RIGI: variants seen among roughly 807,000 people sequenced by gnomAD.
The protein encoded by RIGI is antiviral innate immune response receptor RIG-I.
chr9:32,484,502 C>A, the RIGI span, among the ~76,000 whole-genome samples: 2 of 152,124 alleles, frequency 1.3e-5, no homozygotes, highest in Non-Finnish European at 2.9e-5. Flanking sequence ...CATAGAGGTG[C>A]CTAAGCCAGA....
At chr9:32,491,532 T>G in the RIGI span, 1 of 783,038 alleles carries the variant, frequency 1.3e-6, no homozygotes, top group East Asian at 2.8e-5. Context: ...CTATTAAAAT[T>G]TCTCACAACC....
At chr9:32,472,911 A>T in the RIGI span, 1 of 1,078,250 alleles carries the variant, frequency 9.3e-7, no homozygotes, top group Non-Finnish European at 1.3e-6. Flanking sequence ...ACACATATAC[A>T]TACACACACA....
the RIGI span, among the ~76,000 whole-genome samples, chr9:32,508,239 A>ATTTTTTTTTTTTTTTTTTTTTTTTTTTTT: frequency 3.1e-3 from 217 of 70,336 alleles, 56 homozygotes; most frequent in Non-Finnish European, 3.9e-3. Context: ...TATTTACTTA[A>ATTTTTTTTTTTTTTTTTTTTTTTTTTTTT]TTTTTTTTTT....
the RIGI span, among the ~76,000 whole-genome samples, chr9:32,473,286 CT>C: frequency 9.6e-4 from 118 of 122,526 alleles, no homozygotes; most frequent in Middle Eastern, 4.4e-3. Flanking sequence ...ATCTCTAAGA[CT>C]TTTTTTTTTT....
At chr9:32,476,983 G>C in the RIGI span, 2 of 1,612,194 alleles carry the variant, frequency 1.2e-6, no homozygotes, top group Non-Finnish European at 8.5e-7. Context: ...AAAAGCTTAC[G>C]TCCACAAGTG....
the RIGI span, among the ~76,000 whole-genome samples, chr9:32,469,652 C>G: frequency 2.6e-5 from 4 of 152,168 alleles, no homozygotes; most frequent in African/African-American, 7.2e-5. Context: ...AAGAAAGGAT[C>G]TTGACTAAGA....
At chr9:32,485,174 C>T in the RIGI span, 3 of 1,591,878 alleles carry the variant, frequency 1.9e-6, no homozygotes, top group Non-Finnish European at 2.6e-6. Context: ...ATTTATCTCA[C>T]CGAGGTCTTT....
the RIGI span, among the ~76,000 whole-genome samples, chr9:32,513,668 G>A: frequency 1.3e-5 from 2 of 152,130 alleles, no homozygotes; most frequent in African/African-American, 4.8e-5. Context: ...ATAGGCACGG[G>A]CAAAGACTTC....
the RIGI span, among the ~76,000 whole-genome samples, chr9:32,521,458 T>C: frequency 6.6e-6 from 1 of 152,148 alleles, no homozygotes; most frequent in Non-Finnish European, 1.5e-5. Flanking sequence ...TTTTATCTTT[T>C]TGGCTAAATG....
chr9:32,524,341 T>C, the RIGI span, among the ~76,000 whole-genome samples: 6 of 152,130 alleles, frequency 3.9e-5, no homozygotes, highest in Non-Finnish European at 5.9e-5. Flanking sequence ...CAAATCAATA[T>C]ATGAGTGCAT....
the RIGI span, among the ~76,000 whole-genome samples, chr9:32,511,707 C>A: frequency 6.6e-6 from 1 of 151,934 alleles, no homozygotes; most frequent in Admixed American, 6.6e-5. Flanking sequence ...CAAAAGCTAG[C>A]AAAAGACAAG....
chr9:32,485,118 G>T, the RIGI span: 2 of 1,274,578 alleles, frequency 1.6e-6, no homozygotes, highest in Non-Finnish European at 2.2e-6. Flanking sequence ...AGACGATAGT[G>T]AACAATAAAT....
chr9:32,502,537 TA>T, the RIGI span, among the ~76,000 whole-genome samples: 1 of 152,244 alleles, frequency 6.6e-6, no homozygotes, highest in Admixed American at 6.5e-5. Context: ...GTTTTCATTT[TA>T]GCCTTCTGTA....
At chr9:32,482,774 G>A in the RIGI span, among the ~76,000 whole-genome samples, 13 of 151,848 alleles carry the variant, frequency 8.6e-5, no homozygotes, top group African/African-American at 2.7e-4. Flanking sequence ...CAGGAGAATC[G>A]CTTGAACCCA....
chr9:32,515,102 C>T, the RIGI span, among the ~76,000 whole-genome samples: 1 of 152,006 alleles, frequency 6.6e-6, no homozygotes, highest in Non-Finnish European at 1.5e-5. Flanking sequence ...TAGAGGAAAC[C>T]TGAGTAATCT....
the RIGI span, chr9:32,472,892 TATACACACACACATATAC>T: frequency 1.2e-5 from 8 of 679,358 alleles, no homozygotes; most frequent in Middle Eastern, 8.9e-4. Flanking sequence ...ATATTATATA[TATACACACACACATATAC>T]ATACACACAC....
chr9:32,507,226 A>G, the RIGI span, among the ~76,000 whole-genome samples: 1 of 152,238 alleles, frequency 6.6e-6, no homozygotes, highest in Non-Finnish European at 1.5e-5. Context: ...GAGCCTACAA[A>G]TTTGAAAATA....
the RIGI span, among the ~76,000 whole-genome samples, chr9:32,495,198 T>TTTTTA: frequency 3.9e-5 from 6 of 152,014 alleles, no homozygotes; most frequent in Non-Finnish European, 4.4e-5. Flanking sequence ...TTATTTTCTG[T>TTTTTA]TTTTATTTTA....
At chr9:32,473,134 T>C in the RIGI span, 1 of 1,179,372 alleles carries the variant, frequency 8.5e-7, no homozygotes, top group Non-Finnish European at 1.2e-6. Flanking sequence ...AATATTGAAA[T>C]ACATGCAAAA....
Sources: gnomAD v4.1 joint callset for allele counts (sites outside exome capture counted in the v4.1 genomes callset) on GRCh38, gnomAD v4.1.1 for gene constraint, MANE v1.5 for transcripts, NCBI Gene and HGNC (gene_info 2026-07-23, HGNC 2026-07-21) for gene names.